Variants in ASPSCR1 observed in about 807,000 individuals in gnomAD.
ASPSCR1 encodes the protein ASPSCR1 tether for SLC2A4, UBX domain containing.
ASPSCR1 carries 55 observed loss-of-function variants against 68.9 expected under a neutral mutation model. The observed-to-expected ratio is 0.80, with a 90% CI of 0.64 to 1.00. The LOEUF is 1.00. Ranked by LOEUF, ASPSCR1 falls within the 50% of genes least tolerant of loss-of-function variation. The pLI is 0.00. For missense variants in ASPSCR1, 765 were observed against 762.2 expected (o/e 1.00, Z -0.04); for synonymous variants, 352 against 332.6 (o/e 1.06, Z -0.63).
intron 10 of ASPSCR1, 21 bp from the exon 11 acceptor site, chr17:82,011,522 T>A (rs953698204): frequency 6.4e-7 from 1 of 1,573,760 alleles, no homozygotes; most frequent in African/African-American, 1.4e-5. Context: ...GCTGTCTGTA[T>A]GTTCTTTTTC....
At chr17:82,008,858 A>G (rs1161624994) in intron 7 of ASPSCR1, 179 bp from the exon 8 acceptor site, 3 of 826,420 alleles carry the variant, frequency 3.6e-6, no homozygotes, top group Non-Finnish European at 5.2e-6. Flanking sequence ...GGGGTCCCCC[A>G]GCTGCTGTGC....
At position 81,999,626 on chromosome 17, in the gene ASPSCR1, C is replaced by CAA. The variant is rs869273858; in HGVS notation, c.933+2797_933+2798dup. Among the ~76,000 whole-genome samples, 10 of 72,000 alleles carry CAA rather than the reference C, an allele frequency of 1.4e-4. No individual in the cohort carries two copies. Among genetic ancestry groups the CAA allele is most frequent in the African/African-American group, 4.2e-4 (8 of 19,268 alleles). 47.2% of individuals were successfully genotyped at this position (72,000 alleles called of 152,430 possible). On this transcript the variant is annotated intron_variant, in intron 7 of 15. Coordinates refer to ENST00000306739, the MANE Select transcript of ASPSCR1 (RefSeq NM_024083.4). This position sits in a 1 kb window ranked among gnomAD's most constrained non-coding sequence, Gnocchi z 4.4. ...CGGGTGACAGAGTGAAACTCCATCT[C>CAA]AAAAAAAAAAAAAAAAAAGAAAACA...
intron 12 of ASPSCR1, chr17:82,014,894 G>A: frequency 1.3e-6 from 1 of 766,532 alleles, no homozygotes; most frequent in Non-Finnish European, 2.0e-6. Context: ...CTCAGGCTGT[G>A]TCAGGGCAGG....
chr17:81,983,518 T>A lies in ASPSCR1; in HGVS notation c.159-36T>A, dbSNP rs1423889733. 2 of 1,479,438 alleles carry A rather than the reference T, an allele frequency of 1.4e-6. No homozygotes were observed. The highest frequency in any genetic ancestry group is 3.4e-5 in the African/African-American group (2 of 59,108). The allele number at this position is 1,479,438 out of a possible 1,614,324, so 91.6% of individuals were successfully genotyped here. A position where few individuals can be genotyped will look rare whatever the true frequency, so the allele number is the denominator to read the frequency against. On this transcript the variant is annotated intron_variant, in intron 2 of 15. Transcript: ENST00000306739. This position sits in a 1 kb window ranked among gnomAD's most constrained non-coding sequence, Gnocchi z 4.4. ...GTGGATGGCAGGGCGTGTCAGGCTC[T>A]GCAGGGCAGCAAGTGTGCTCTGGTC...
intron 12 of ASPSCR1, chr17:82,015,434 C>T (rs2144105709): frequency 6.7e-7 from 1 of 1,484,904 alleles, no homozygotes; most frequent in South Asian, 1.3e-5. Flanking sequence ...GCTGCCAAGC[C>T]TACTTCCCTC....
chr17:82,009,058 G>A lies in ASPSCR1; in HGVS notation c.955G>A (p.Asp319Asn). ...RERPVDREPV[D>N]REPVVCHPDL... is the part of the protein sequence containing the mutation. ...CCAGCCCGTGGACCGGGAGCCCGTG[G>A]ACCGGGAGCCGGTGGTGTGCCACCC... The change falls in exon 8 of 16, where the codon GAC becomes AAC. Residue 319 changes from aspartate (D) to asparagine (N), a missense_variant. By Grantham distance (23) the Asp-to-Asn change is conservative. Coordinates refer to ENST00000306739, the MANE Select transcript of ASPSCR1 (RefSeq NM_024083.4). 6.4e-7 allele frequency: 1 copy of A among 1,560,038 alleles called. No homozygotes were observed. The highest frequency in any genetic ancestry group is 8.7e-7 in the Non-Finnish European group (1 of 1,152,746).
At chr17:81,988,469 AAAC>A (rs1380903448) in intron 4 of ASPSCR1, among the ~76,000 whole-genome samples, 5 of 151,896 alleles carry the variant, frequency 3.3e-5, no homozygotes, top group Non-Finnish European at 5.9e-5. Flanking sequence ...AAAAAAAAAA[AAAC>A]AAGAGCAAGT....
intron 6 of ASPSCR1, among the ~76,000 whole-genome samples, 153 bp from the exon 7 acceptor site, chr17:81,996,267 G>T (rs767231230): frequency 6.6e-6 from 1 of 152,080 alleles, no homozygotes; most frequent in Admixed American, 6.5e-5. Flanking sequence ...CCAGAGGGGC[G>T]GTGGATCTTG....
intron 7 of ASPSCR1, chr17:82,006,213 TGTG>T (rs1318556817): frequency 5.8e-4 from 24 of 41,722 alleles, no homozygotes; most frequent in African/African-American, 1.2e-3. Context: ...TGTGCACAGG[TGTG>T]TGTGTGTGTG....
chr17:82,016,473 C>T lies in ASPSCR1; in HGVS notation c.1354-3C>T, dbSNP rs1269689194. On this transcript the variant is annotated splice_polypyrimidine_tract_variant and splice_region_variant and intron_variant, in intron 12 of 15. Coordinates refer to ENST00000306739, the MANE Select transcript of ASPSCR1 (RefSeq NM_024083.4). Reference sequence around the variant, plus strand: ...GCCCCTGAGCCCCCCGCCCTCCCTGCAGGCGAACCTCTTCCCGGCCGCTCT... The same window carrying T: ...GCCCCTGAGCCCCCCGCCCTCCCTGTAGGCGAACCTCTTCCCGGCCGCTCT... The T allele has an allele frequency of 1.3e-5, 20 of 1,548,192 alleles. No homozygotes were observed. The highest frequency in any genetic ancestry group is 2.0e-5 in the Admixed American group (1 of 51,096).
rs531127682 is a variant in ASPSCR1, at chr17:81,987,520, C to T, written c.374+1913C>T. 7.0e-4 allele frequency among the ~76,000 whole-genome samples: 107 copies of T among 152,332 alleles called. No homozygotes were observed. The highest frequency in any genetic ancestry group is 2.5e-3 in the African/African-American group (104 of 41,578). ...GCTTGGTGAGGGCCGTCCTCCCTGGCTGTGCTGTCAGTCCTCAGATGGGGA... is the reference window on the plus strand; with the variant it reads ...GCTTGGTGAGGGCCGTCCTCCCTGGTTGTGCTGTCAGTCCTCAGATGGGGA... On this transcript the variant is annotated intron_variant, in intron 4 of 15. Transcript: ENST00000306739. The surrounding 1 kb of genome is among the most constrained non-coding windows in gnomAD (Gnocchi z 5.6).
intron 7 of ASPSCR1, chr17:82,008,314 G>A (rs1256090629): frequency 6.6e-6 from 1 of 152,322 alleles, no homozygotes; most frequent in Non-Finnish European, 1.5e-5. Flanking sequence ...AGAGTGTGAG[G>A]TAGGAGTGGG....
intron 4 of ASPSCR1, among the ~76,000 whole-genome samples, chr17:81,989,764 G>A (rs1482282402): frequency 1.3e-5 from 2 of 152,180 alleles, no homozygotes. Context: ...AGCAGCAGGG[G>A]CCTCAGGGAT....
chr17:81,985,419 C>T, intron 3 of ASPSCR1, 88 bp from the exon 4 acceptor site: 1 of 1,404,982 alleles, frequency 7.1e-7, no homozygotes, highest in Non-Finnish European at 9.9e-7. Flanking sequence ...GGCAGTCACC[C>T]TCTCTGTGTC....
chr17:82,008,918 G>A, intron 7 of ASPSCR1, 119 bp from the exon 8 acceptor site: 1 of 1,343,220 alleles, frequency 7.4e-7, no homozygotes, highest in East Asian at 2.8e-5. Flanking sequence ...GCCGGGGCCA[G>A]GGAGGGAGTG....
intron 12 of ASPSCR1, chr17:82,016,150 C>G: frequency 2.8e-6 from 1 of 362,506 alleles, no homozygotes; most frequent in South Asian, 5.5e-5. Context: ...ACCCGCCACG[C>G]CTGGCCCCAC....
intron 7 of ASPSCR1, among the ~76,000 whole-genome samples, chr17:82,002,318 G>T (rs1445148994): frequency 6.6e-6 from 1 of 150,584 alleles, no homozygotes; most frequent in Non-Finnish European, 1.5e-5. Context: ...GAGTACAATG[G>T]CACGATCTCG....
At chr17:81,980,774 G>C (rs1017183196) in intron 2 of ASPSCR1, among the ~76,000 whole-genome samples, 5 of 152,182 alleles carry the variant, frequency 3.3e-5, no homozygotes, top group African/African-American at 1.2e-4. Flanking sequence ...AAGGAGAACT[G>C]TGCACACAGT....
At chr17:81,997,216 G>A (rs778824296) in intron 7 of ASPSCR1, among the ~76,000 whole-genome samples, 1 of 152,174 alleles carries the variant, frequency 6.6e-6, no homozygotes, top group Non-Finnish European at 1.5e-5. Context: ...ACAGAGCAGG[G>A]CCGCCCTGGG....
Sources: allele counts gnomAD v4.1 joint callset (sites outside exome capture counted in the v4.1 genomes callset), GRCh38; gene constraint gnomAD v4.1.1; non-coding constraint Gnocchi (gnomAD v3.1); transcripts MANE v1.5; gene names NCBI Gene and HGNC (gene_info 2026-07-23, HGNC 2026-07-21).